LMX1B: variants seen among roughly 807,000 people sequenced by gnomAD.
LMX1B encodes the protein LIM homeobox transcription factor 1-beta.
LMX1B carries 12 observed loss-of-function variants against 51.4 expected under a neutral mutation model. The observed-to-expected ratio is 0.23, with a 90% CI of 0.15 to 0.38. LMX1B has a LOEUF of 0.38. LMX1B is among the 10% of genes least tolerant of loss of function. The pLI is 1.00. For missense variants in LMX1B, 445 were observed against 571.1 expected (o/e 0.78, Z 2.25); for synonymous variants, 237 against 235.4 (o/e 1.01, Z -0.06).
intron 2 of LMX1B, among the ~76,000 whole-genome samples, chr9:126,652,997 C>G (rs549103511): frequency 6.6e-6 from 1 of 152,246 alleles, no homozygotes; most frequent in Non-Finnish European, 1.5e-5. Flanking sequence ...ACAAACCCAG[C>G]AAAAGGGCCC....
chr9:126,677,047 G>A lies in LMX1B; in HGVS notation c.327-13789G>A, dbSNP rs1836576928. The stretch of plus-strand genomic sequence containing the variant: ...CTCAGGCAGGCAGCGGGCGGCTGGG[G>A]CGGGGCATGGGGCGATCAGTTACCC... On this transcript the variant is annotated intron_variant, in intron 2 of 7. Transcript: ENST00000373474. This position sits in a 1 kb window ranked among gnomAD's most constrained non-coding sequence, Gnocchi z 5.0. Among the ~76,000 whole-genome samples the A allele has an allele frequency of 6.6e-6, 1 of 152,192 alleles. No individual in the cohort carries two copies. Among genetic ancestry groups the A allele is most frequent in the African/African-American group, 2.4e-5 (1 of 41,456 alleles).
intron 2 of LMX1B, among the ~76,000 whole-genome samples, chr9:126,644,730 G>A (rs151199367): frequency 2.6e-5 from 4 of 152,178 alleles, no homozygotes; most frequent in Admixed American, 6.5e-5. Context: ...CCTGAGCCTC[G>A]GCTTCCCTGT....
intron 2 of LMX1B, among the ~76,000 whole-genome samples, chr9:126,644,932 G>T (rs928563131): frequency 1.3e-5 from 2 of 152,150 alleles, no homozygotes; most frequent in Non-Finnish European, 2.9e-5. Context: ...CGCTGACAAG[G>T]ACGGAGGGCC....
At chr9:126,633,609 A>C (rs555976661) in intron 2 of LMX1B, among the ~76,000 whole-genome samples, 23 of 152,240 alleles carry the variant, frequency 1.5e-4, no homozygotes, top group African/African-American at 5.5e-4. Context: ...GGGCAAAATT[A>C]GTACCCTCCG....
rs1008644667 is a variant in LMX1B at position 126,699,812 on chromosome 9, C to T, written c.*3361C>T. On this transcript the variant is annotated 3_prime_UTR_variant, in exon 8 of 8. Coordinates refer to ENST00000373474, the MANE Select transcript of LMX1B (RefSeq NM_001174147.2). ...AGCCTGTGGGGCTGGGCAACCTTCT[C>T]CCACTTTATGGGAGGAGCTGCAGCC... is the stretch of plus-strand genomic sequence containing the variant. 1 of 152,294 alleles carries T rather than the reference C, an allele frequency of 6.6e-6. No homozygotes were observed. The highest frequency in any genetic ancestry group is 1.5e-5 in the Non-Finnish European group (1 of 68,114). 9.4% of individuals were successfully genotyped at this position (152,294 alleles called of 1,614,324 possible). A position where few individuals can be genotyped will look rare whatever the true frequency, so the allele number is the denominator to read the frequency against.
Position 126,626,012 on chromosome 9 carries a change from G to A in LMX1B, c.326+10443G>A, listed in dbSNP as rs1427846675. Among the ~76,000 whole-genome samples, 1 of 152,252 alleles carries A rather than the reference G, an allele frequency of 6.6e-6. No homozygotes were observed. Among genetic ancestry groups the A allele is most frequent in the Non-Finnish European group, 1.5e-5 (1 of 68,036 alleles). Reference sequence around the variant, plus strand: ...ACCAACACCCAGAAACGAAGCCTGCGTGCCCCCGGGGGCTCCGTTTTGCTC... The same window carrying A: ...ACCAACACCCAGAAACGAAGCCTGCATGCCCCCGGGGGCTCCGTTTTGCTC... On this transcript the variant is annotated intron_variant, in intron 2 of 7. Transcript: ENST00000373474. This position sits in a 1 kb window ranked among gnomAD's most constrained non-coding sequence, Gnocchi z 4.3.
chr9:126,641,896 C>G lies in LMX1B; in HGVS notation c.326+26327C>G, dbSNP rs879053801. 6.6e-6 allele frequency among the ~76,000 whole-genome samples: 1 copy of G among 152,236 alleles called. No homozygotes were observed. The highest frequency in any genetic ancestry group is 1.5e-5 in the Non-Finnish European group (1 of 68,050). On this transcript the variant is annotated intron_variant, in intron 2 of 7. Transcript: ENST00000373474. This position sits in a 1 kb window ranked among gnomAD's most constrained non-coding sequence, Gnocchi z 4.1. ...GAGGCCCTGGGCAGAGCACTTCACC[C>G]ACGTTCTCTCAGAACTCTGTGAGAT... is the stretch of plus-strand genomic sequence containing the variant.
chr9:126,640,864 G>A (rs1239445844), intron 2 of LMX1B: 1 of 152,304 alleles, frequency 6.6e-6, no homozygotes, highest in Non-Finnish European at 1.5e-5. Context: ...CCAGCCAGGG[G>A]TGGCCTTCTG....
In LMX1B at chr9:126,696,303, C is replaced by T. The variant is rs147035553; in HGVS notation, c.1061C>T (p.Ser354Phe). Residue 354 changes from serine (S) to phenylalanine (F), a missense_variant, in exon 8 of 8, where the codon TCC (serine) becomes TTC (phenylalanine). This residue lies in a region of LMX1B where 162 missense variants were observed against 187.8 expected (regional missense o/e 0.86). Transcript: ENST00000373474. ...CCCTTCTGCCCCCCAGGGAACGACT[C>T]CATCTTCCATGACATCGACAGCGAT... ...GDHMNPYGND[S>F]IFHDIDSDTS... 51 of 1,613,950 alleles carry T rather than the reference C, an allele frequency of 3.2e-5. No individual in the cohort carries two copies. The South Asian group carries it at 4.9e-4, about 16-fold the overall frequency.
chr9:126,633,588 G>C (rs999568583), intron 2 of LMX1B, among the ~76,000 whole-genome samples: 1 of 152,102 alleles, frequency 6.6e-6, no homozygotes, highest in African/African-American at 2.4e-5. Flanking sequence ...GGGCCAGGCT[G>C]GGGGATGGAA....
chr9:126,685,417 G>C (rs988699497), intron 2 of LMX1B, among the ~76,000 whole-genome samples: 1 of 152,162 alleles, frequency 6.6e-6, no homozygotes, highest in Non-Finnish European at 1.5e-5. Flanking sequence ...AAATGAAGAG[G>C]TTTGTAATCT....
At chr9:126,630,861 C>G (rs1835619529) in intron 2 of LMX1B, among the ~76,000 whole-genome samples, 1 of 152,272 alleles carries the variant, frequency 6.6e-6, no homozygotes, top group Non-Finnish European at 1.5e-5. Flanking sequence ...CTCACAGGGC[C>G]ACCTTTACCC....
chr9:126,699,661 C>T lies in LMX1B; in HGVS notation c.*3210C>T, dbSNP rs1157550032. 6.6e-6 allele frequency: 1 copy of T among 152,268 alleles called. No homozygotes were observed. Among genetic ancestry groups the T allele is most frequent in the Non-Finnish European group, 1.5e-5 (1 of 68,108 alleles). The allele number at this position is 152,268 out of a possible 1,614,324, so 9.4% of individuals were successfully genotyped here. A position where few individuals can be genotyped will look rare whatever the true frequency, so the allele number is the denominator to read the frequency against. On this transcript the variant is annotated 3_prime_UTR_variant, in exon 8 of 8. Coordinates refer to ENST00000373474, the MANE Select transcript of LMX1B (RefSeq NM_001174147.2). ...ATGCAGGGCCTGCCTTGAGGGGTGT[C>T]TCCTAGAAGGAAAGCCAGACTCTCC...
Position 126,613,949 on chromosome 9 carries a change from G to C in LMX1B, c.-501G>C, listed in dbSNP as rs917019795. Among the ~76,000 whole-genome samples the C allele has an allele frequency of 6.8e-6, 1 of 146,266 alleles. No homozygotes were observed. The highest frequency in any genetic ancestry group is 1.5e-5 in the Non-Finnish European group (1 of 65,824). ...CGCCAGCCCCAGCTCTAAACCCGGC[G>C]GCTCAGCGGGCGCACCATGGCACTG... On this transcript the variant is annotated 5_prime_UTR_variant, in exon 1 of 8. Coordinates refer to ENST00000373474, the MANE Select transcript of LMX1B (RefSeq NM_001174147.2). This position sits in a 1 kb window ranked among gnomAD's most constrained non-coding sequence, Gnocchi z 4.5.
intron 2 of LMX1B, among the ~76,000 whole-genome samples, chr9:126,648,776 C>T (rs2118897291): frequency 6.6e-6 from 1 of 152,198 alleles, no homozygotes; most frequent in South Asian, 2.1e-4. Context: ...TGCCTAGGAC[C>T]ATAGAGGTTA....
intron 2 of LMX1B, among the ~76,000 whole-genome samples, chr9:126,621,271 C>T (rs942686933): frequency 2.6e-5 from 4 of 152,198 alleles, no homozygotes; most frequent in East Asian, 1.9e-4. Context: ...TCCAAGGAGC[C>T]GCGTGTGAGC....
intron 6 of LMX1B, among the ~76,000 whole-genome samples, chr9:126,694,402 GCAGA>G (rs1305665357): frequency 1.3e-4 from 20 of 152,194 alleles, no homozygotes; most frequent in African/African-American, 4.6e-4. Flanking sequence ...CCGGAATTCT[GCAGA>G]CAAAGCTTGT....
intron 2 of LMX1B, among the ~76,000 whole-genome samples, chr9:126,685,874 G>A (rs886505506): frequency 1.3e-5 from 2 of 152,108 alleles, no homozygotes; most frequent in Non-Finnish European, 2.9e-5. Flanking sequence ...CAAGAGAAGG[G>A]ACTTGTGCAA....
intron 2 of LMX1B, among the ~76,000 whole-genome samples, chr9:126,681,761 T>C (rs912071740): frequency 6.6e-6 from 1 of 151,584 alleles, no homozygotes; most frequent in African/African-American, 2.4e-5. Flanking sequence ...ATTAGCCGAG[T>C]GTGGTGGCGG....
Sources: allele counts gnomAD v4.1 joint callset (sites outside exome capture counted in the v4.1 genomes callset), GRCh38; gene constraint gnomAD v4.1.1; regional missense constraint gnomAD v4.1.1; non-coding constraint Gnocchi (gnomAD v3.1); transcripts MANE v1.5; gene names NCBI Gene and HGNC (gene_info 2026-07-23, HGNC 2026-07-21).